Variants in CTNNA2 observed in about 807,000 individuals in gnomAD.
CTNNA2 encodes the protein catenin alpha-2.
Under a neutral mutation model 101.0 loss-of-function variants are expected in CTNNA2, and 42 were observed. The ratio of observed to expected loss-of-function variants is 0.42; its 90% CI spans 0.32 to 0.54. The LOEUF (loss-of-function observed/expected upper bound fraction) is 0.54, where lower values mean the gene tolerates loss of function less well. Ranked by LOEUF, CTNNA2 falls within the 20% of genes least tolerant of loss-of-function variation. The pLI, the probability that CTNNA2 is intolerant of heterozygous loss-of-function variation, is 0.14. For missense variants in CTNNA2, 871 were observed against 1,223.1 expected, an observed-to-expected ratio of 0.71 and a Z score of 4.29; for synonymous variants, 450 against 456.4, an observed-to-expected ratio of 0.99 and a Z score of 0.18.
At chr2:79,911,985 C>G (rs1685831822) in intron 7 of CTNNA2, among the ~76,000 whole-genome samples, 1 of 152,122 alleles carries the variant, frequency 6.6e-6, no homozygotes, top group South Asian at 2.1e-4. Context: ...ACTGAAAAGT[C>G]TATTGTAGTT....
At chr2:80,455,419 A>C (rs1190847080) in intron 9 of CTNNA2, among the ~76,000 whole-genome samples, 4 of 152,226 alleles carry the variant, frequency 2.6e-5, no homozygotes, top group Non-Finnish European at 5.9e-5. Context: ...TGAGGGAAAC[A>C]GAAGCAGATT....
intron 9 of CTNNA2, among the ~76,000 whole-genome samples, chr2:80,542,513 C>G (rs1691662181): frequency 6.6e-6 from 1 of 151,798 alleles, no homozygotes; most frequent in Non-Finnish European, 1.5e-5. Flanking sequence ...GTCACTCTTT[C>G]TTTTTTTAAT....
chr2:80,247,767 A>G (rs1295334753), intron 7 of CTNNA2, among the ~76,000 whole-genome samples: 3 of 152,158 alleles, frequency 2.0e-5, no homozygotes, highest in Non-Finnish European at 2.9e-5. Flanking sequence ...ACACTCACCC[A>G]TAAGCATCTG....
chr2:80,475,950 C>T (rs547197725), intron 9 of CTNNA2, among the ~76,000 whole-genome samples: 14 of 152,200 alleles, frequency 9.2e-5, no homozygotes, highest in Admixed American at 8.5e-4. Context: ...GGTCATGTTC[C>T]TATCGACTAG....
At chr2:80,498,013 G>A (rs1261037874) in intron 9 of CTNNA2, among the ~76,000 whole-genome samples, 1 of 152,032 alleles carries the variant, frequency 6.6e-6, no homozygotes, top group Non-Finnish European at 1.5e-5. Flanking sequence ...AATAAACGTG[G>A]GTTGCTATAA....
Position 80,589,420 on chromosome 2 carries a change from C to T in CTNNA2, c.2124C>T (p.Gly708=). 6.2e-7 allele frequency: 1 copy of T among 1,614,046 alleles called. No individual in the cohort carries two copies. ...DAEVAKWDDS[G]NDIIVLAKQM... is the part of the protein sequence containing the mutation. ...AAGTGGCCAAATGGGACGACAGCGG[C>T]AATGATATCATTGTACTGGCCAAGC... The change falls in exon 15 of 19, where the codon GGC becomes GGT. Residue 708 remains glycine (G), a synonymous_variant. Coordinates refer to ENST00000402739, the MANE Select transcript of CTNNA2 (RefSeq NM_001282597.3).
chr2:80,432,111 A>G (rs79822923), intron 9 of CTNNA2, among the ~76,000 whole-genome samples: 671 of 152,186 alleles, frequency 4.4e-3, no homozygotes, highest in African/African-American at 0.015. Flanking sequence ...TTCTTTTTTC[A>G]CACTCAATCT....
chr2:80,462,631 C>CTTTTTTTTT (rs753815778), intron 9 of CTNNA2, among the ~76,000 whole-genome samples: 135 of 94,754 alleles, frequency 1.4e-3, no homozygotes, highest in East Asian at 4.5e-3. Flanking sequence ...TTCTTTCTTT[C>CTTTTTTTTT]TTTTTTTTTT....
At chr2:80,129,570 T>G (rs1456924108) in intron 7 of CTNNA2, among the ~76,000 whole-genome samples, 2 of 152,180 alleles carry the variant, frequency 1.3e-5, no homozygotes, top group Non-Finnish European at 1.5e-5. Context: ...AGTTACCCAA[T>G]TAACTCAGCA....
chr2:80,079,895 TA>T (rs1462703412), intron 7 of CTNNA2, among the ~76,000 whole-genome samples: 1 of 115,008 alleles, frequency 8.7e-6, no homozygotes, highest in Non-Finnish European at 2.0e-5. Context: ...TAAAATAAAA[TA>T]AATAAAATAA....
At chr2:80,368,644 T>C (rs1433108691) in intron 7 of CTNNA2, among the ~76,000 whole-genome samples, 1 of 152,076 alleles carries the variant, frequency 6.6e-6, no homozygotes, top group African/African-American at 2.4e-5. Context: ...ACTTACATGA[T>C]ACAGATGTTC....
At chr2:79,893,232 C>T (rs1371127983) in intron 6 of CTNNA2, among the ~76,000 whole-genome samples, 1 of 152,184 alleles carries the variant, frequency 6.6e-6, no homozygotes. Flanking sequence ...CCCGTTTTCT[C>T]ACATGGCCAC....
chr2:79,278,058 G>T lies in CTNNA2; in HGVS notation c.-405-34651G>T, dbSNP rs140649926. On this transcript the variant is annotated intron_variant, in intron 2 of 21. Coordinates refer to the CTNNA2 transcript ENST00000466387. The stretch of plus-strand genomic sequence containing the variant: ...AGCATACTTAAGGGTGGTGGAGGAT[G>T]AAGGAAGGTAATTTTATAGAAGAAG... 2.5e-3 allele frequency among the ~76,000 whole-genome samples: 374 copies of T among 152,238 alleles called. 2 individuals are homozygous for T. Among genetic ancestry groups the T allele is most frequent in the African/African-American group, 8.4e-3 (349 of 41,554 alleles).
intron 2 of CTNNA2, among the ~76,000 whole-genome samples, chr2:79,720,841 T>G (rs1158876195): frequency 6.6e-6 from 1 of 152,146 alleles, no homozygotes; most frequent in Non-Finnish European, 1.5e-5. Flanking sequence ...TTATTTCTTT[T>G]CCTATTTGGA....
chr2:79,304,575 G>A (rs1350967970), intron 2 of CTNNA2, among the ~76,000 whole-genome samples: 1 of 152,148 alleles, frequency 6.6e-6, no homozygotes, highest in Non-Finnish European at 1.5e-5. Context: ...CTCATAAACC[G>A]AAGGATTAAG....
At chr2:80,390,141 C>A (rs1379754970) in intron 7 of CTNNA2, among the ~76,000 whole-genome samples, 3 of 152,172 alleles carry the variant, frequency 2.0e-5, no homozygotes, top group African/African-American at 7.2e-5. Context: ...TTTCTTTTTG[C>A]CAGTCAAAGT....
At chr2:79,727,700 T>G (rs1248089580) in intron 2 of CTNNA2, among the ~76,000 whole-genome samples, 1 of 149,968 alleles carries the variant, frequency 6.7e-6, no homozygotes, top group East Asian at 2.0e-4. Context: ...TAGCATTAGG[T>G]ATATCTCCTA....
chr2:79,841,793 A>G (rs1679837637), intron 3 of CTNNA2, among the ~76,000 whole-genome samples: 1 of 152,228 alleles, frequency 6.6e-6, no homozygotes, highest in South Asian at 2.1e-4. Context: ...GAAAAGCCAG[A>G]TGTTTGTGCT....
At chr2:80,613,285 C>T (rs1176295239) in intron 17 of CTNNA2, among the ~76,000 whole-genome samples, 4 of 151,278 alleles carry the variant, frequency 2.6e-5, no homozygotes, top group Non-Finnish European at 4.4e-5. Context: ...TTCTGCACAA[C>T]CCAAATTATA....
Sources: allele counts gnomAD v4.1 joint callset (sites outside exome capture counted in the v4.1 genomes callset), GRCh38; gene constraint gnomAD v4.1.1; transcripts MANE v1.5; gene names NCBI Gene and HGNC (gene_info 2026-07-23, HGNC 2026-07-21).